ATP9B: variants seen among roughly 807,000 people sequenced by gnomAD.
ATP9B encodes the protein probable phospholipid-transporting ATPase IIB.
ATP9B carries 110 observed loss-of-function variants against 146.1 expected under a neutral mutation model. The observed-to-expected ratio is 0.75, with a 90% CI of 0.65 to 0.88. The LOEUF (loss-of-function observed/expected upper bound fraction) is 0.88. Ranked by LOEUF, ATP9B falls within the 40% of genes least tolerant of loss-of-function variation. The pLI, the probability that ATP9B is intolerant of heterozygous loss-of-function variation, is 0.00. For missense variants in ATP9B, 1,499 were observed against 1,496.4 expected (o/e 1.00, Z -0.03); for synonymous variants, 604 against 569.7 (o/e 1.06, Z -0.86).
intron 13 of ATP9B, among the ~76,000 whole-genome samples, chr18:79,287,324 A>G (rs539806593): frequency 3.3e-4 from 51 of 152,244 alleles, no homozygotes; most frequent in African/African-American, 1.2e-3. Context: ...CAGAGATTCA[A>G]CTTCTTCCTG....
At chr18:79,338,884 G>C (rs989940722) in intron 19 of ATP9B, among the ~76,000 whole-genome samples, 1 of 152,202 alleles carries the variant, frequency 6.6e-6, no homozygotes, top group Non-Finnish European at 1.5e-5. Context: ...TAGAGGGACA[G>C]AACTGAAGGA....
At chr18:79,254,507 T>C (rs2096059882) in intron 12 of ATP9B, 1 of 152,414 alleles carries the variant, frequency 6.6e-6, no homozygotes, top group African/African-American at 2.4e-5. Context: ...ACAGTACAGA[T>C]TCCTGTGGAT....
chr18:79,105,195 G>C (rs1187093222), intron 2 of ATP9B, among the ~76,000 whole-genome samples: 1 of 152,096 alleles, frequency 6.6e-6, no homozygotes, highest in Non-Finnish European at 1.5e-5. Context: ...CAAGTAGATT[G>C]GTCTTCTTTG....
chr18:79,227,995 C>CTCA (rs370247776), intron 11 of ATP9B, among the ~76,000 whole-genome samples: 1 of 152,298 alleles, frequency 6.6e-6, no homozygotes, highest in East Asian at 1.9e-4. Context: ...TTAGCCAAAG[C>CTCA]TCATAGTGTG....
chr18:79,218,577 A>G (rs1287708126), intron 11 of ATP9B, among the ~76,000 whole-genome samples: 1 of 151,564 alleles, frequency 6.6e-6, no homozygotes, highest in Non-Finnish European at 1.5e-5. Context: ...CCTGTTGGTC[A>G]TGTTTTCCTC....
intron 26 of ATP9B, among the ~76,000 whole-genome samples, chr18:79,371,227 C>T (rs188598): frequency 2.6e-5 from 4 of 152,090 alleles, no homozygotes; most frequent in Non-Finnish European, 5.9e-5. Context: ...CAAAAATTAT[C>T]TGGGCATGGT....
At chr18:79,110,844 G>A (rs2075962813) in intron 3 of ATP9B, among the ~76,000 whole-genome samples, 2 of 152,126 alleles carry the variant, frequency 1.3e-5, no homozygotes, top group African/African-American at 2.4e-5. Context: ...CGTTTTGTTT[G>A]TCTGGGAACT....
At chr18:79,293,130 G>C (rs756141073) in intron 13 of ATP9B, among the ~76,000 whole-genome samples, 1 of 150,292 alleles carries the variant, frequency 6.7e-6, no homozygotes, top group African/African-American at 2.5e-5. Flanking sequence ...ATGGTGCTGG[G>C]CAACTAGATA....
Position 79,116,950 on chromosome 18 carries a change from AAAAAAAG to A in ATP9B, c.558+3600_558+3606del, listed in dbSNP as rs1234382720. Among the ~76,000 whole-genome samples, 38 of 139,974 alleles carry A rather than the reference AAAAAAAG, an allele frequency of 2.7e-4. No homozygotes were observed. In the South Asian group the frequency reaches 3.7e-3, roughly 14 times the overall value. The allele number at this position is 139,974 out of a possible 152,430, so 91.8% of individuals were successfully genotyped here. ...AAAAAAAAAAAAAATTAAAAAAAAA[AAAAAAAG>A]AAATAATGATTGATCACAAAGTCTA... On this transcript the variant is annotated intron_variant, in intron 4 of 29. Coordinates refer to ENST00000426216, the MANE Select transcript of ATP9B (RefSeq NM_198531.5).
At chr18:79,109,217 G>A (rs1381379060) in intron 2 of ATP9B, among the ~76,000 whole-genome samples, 1 of 152,144 alleles carries the variant, frequency 6.6e-6, no homozygotes, top group East Asian at 1.9e-4. Flanking sequence ...GCCATTCTGA[G>A]TCTTTCTCTA....
intron 10 of ATP9B, among the ~76,000 whole-genome samples, chr18:79,212,593 C>T (rs548429180): frequency 1.3e-5 from 2 of 152,128 alleles, no homozygotes; most frequent in African/African-American, 2.4e-5. Context: ...TTGATTTAAA[C>T]TAGATTGGCA....
At chr18:79,200,789 G>GGGGACTGTCGGGGTCAGAGCAGAGGCGGA (rs1244770040) in intron 9 of ATP9B, among the ~76,000 whole-genome samples, 5 of 79,122 alleles carry the variant, frequency 6.3e-5, no homozygotes, top group East Asian at 3.2e-4. Context: ...AAGTAGTGGT[G>GGGGACTGTCGGGGTCAGAGCAGAGGCGGA]GAATTGTTTT....
At chr18:79,297,315 GAGAGATGACCCAGAGAGGAGAC>G (rs1392384837) in intron 13 of ATP9B, among the ~76,000 whole-genome samples, 18 of 150,428 alleles carry the variant, frequency 1.2e-4, no homozygotes, top group African/African-American at 3.2e-4. Flanking sequence ...AGAGGAGAAA[GAGAGATGACCCAGAGAGGAGAC>G]AGAGATGACC....
At chr18:79,305,462 T>A (rs1479953089) in intron 14 of ATP9B, among the ~76,000 whole-genome samples, 1 of 152,188 alleles carries the variant, frequency 6.6e-6, no homozygotes, top group Non-Finnish European at 1.5e-5. Flanking sequence ...TTATTTTGGA[T>A]GTAATTCATT....
intron 13 of ATP9B, chr18:79,277,400 A>C (rs928608882): frequency 2.1e-6 from 1 of 481,956 alleles, no homozygotes; most frequent in African/African-American, 1.9e-5. Flanking sequence ...ACAGTATCAT[A>C]AGAATTATCA....
chr18:79,084,149 G>C (rs576790726), intron 1 of ATP9B, among the ~76,000 whole-genome samples: 1 of 149,058 alleles, frequency 6.7e-6, no homozygotes, highest in Non-Finnish European at 1.5e-5. Flanking sequence ...GAGCCACTGC[G>C]CCTGGCTCAG....
At chr18:79,124,125 C>G (rs892388110) in intron 4 of ATP9B, among the ~76,000 whole-genome samples, 1 of 151,988 alleles carries the variant, frequency 6.6e-6, no homozygotes, top group East Asian at 1.9e-4. Context: ...ACTACACACA[C>G]AATTACCATG....
At chr18:79,350,648 C>G (rs887568808) in intron 25 of ATP9B, among the ~76,000 whole-genome samples, 1 of 152,238 alleles carries the variant, frequency 6.6e-6, no homozygotes, top group African/African-American at 2.4e-5. Flanking sequence ...CCGTGAATTC[C>G]AGTAGTGTTT....
At chr18:79,074,117 C>G (rs987076241) in intron 1 of ATP9B, among the ~76,000 whole-genome samples, 1 of 152,126 alleles carries the variant, frequency 6.6e-6, no homozygotes, top group Admixed American at 6.5e-5. Flanking sequence ...ATTCTCAGAG[C>G]CTTTGTGCTG....
Sources: gnomAD v4.1 joint callset for allele counts (sites outside exome capture counted in the v4.1 genomes callset) on GRCh38, gnomAD v4.1.1 for gene constraint, MANE v1.5 for transcripts, NCBI Gene and HGNC (gene_info 2026-07-23, HGNC 2026-07-21) for gene names.